A1BG: variants seen among roughly 807,000 people sequenced by gnomAD.
The protein encoded by A1BG is alpha-1-B glycoprotein, also known as alpha-1B-glycoprotein.
A neutral mutation model predicts 46.0 loss-of-function variants in A1BG; 44 were observed. That is an observed-to-expected ratio of 0.96 (90% confidence interval 0.75 to 1.23). The LOEUF is 1.23. Ranked by LOEUF, A1BG falls within the 50% of genes most tolerant of loss-of-function variation. The pLI, the probability that A1BG is intolerant of heterozygous loss-of-function variation, is 0.00. For synonymous variants in A1BG, 316 were observed against 314.7 expected, an observed-to-expected ratio of 1.00 and a Z score of -0.04; for missense variants, 707 against 688.8, an observed-to-expected ratio of 1.03 and a Z score of -0.30.
At position 58,353,190 on chromosome 19, in the gene A1BG, C is replaced by A. The variant is rs1290229453; in HGVS notation, c.78G>T (p.Glu26Asp). 1.9e-6 allele frequency: 3 copies of A among 1,613,718 alleles called. No homozygotes were observed. In the South Asian group the frequency reaches 3.3e-5, roughly 18 times the overall value. ...GPVTEAAIFY[E>D]TQPSLWAESE... is the part of the protein sequence containing the mutation. ...ACTCTGCCCACAGGCTGGGCTGCGT[C>A]TCATAAACTGCAAGGGGTGGCTGGG... Residue 26 changes from glutamate (E) to aspartate (D), a missense_variant, in exon 3 of 8, where the codon GAG becomes GAT. By Grantham distance (45) the Glu-to-Asp change is conservative. Transcript: ENST00000263100.
intron 6 of A1BG, 138 bp downstream of exon 6, chr19:58,350,232 C>A (rs1488002460): frequency 1.7e-6 from 2 of 1,163,958 alleles, no homozygotes; most frequent in Non-Finnish European, 2.3e-6. Flanking sequence ...ATCGCCTGCT[C>A]CCCGCCGGGG....
chr19:58,350,960 C>T (rs1408159014), intron 5 of A1BG: 7 of 424,154 alleles, frequency 1.7e-5, no homozygotes, highest in East Asian at 7.6e-5. Flanking sequence ...ATTTGCTCCA[C>T]GAGCGTCTTC....
rs1318104075 is a variant in A1BG at position 58,347,530 on chromosome 19, G to A, written c.1303C>T (p.Leu435=). The A allele has an allele frequency of 3.2e-6, 5 of 1,578,890 alleles. No homozygotes were observed. Among genetic ancestry groups the A allele is most frequent in the East Asian group, 2.3e-5 (1 of 43,554 alleles). The change falls in exon 7 of 8, where the codon CTG becomes TTG. Residue 435 remains leucine (L), a synonymous_variant. Coordinates refer to ENST00000263100, the MANE Select transcript of A1BG (RefSeq NM_130786.4). ...ACGGCCTTCGTCTCGCCCTCGCGCA[G>A]CAGCTCGAAGGTGACGTCGGGGATG... is the stretch of plus-strand genomic sequence containing the variant. The part of the protein sequence containing the change: ...GPIPDVTFEL[L]REGETKAVKT...
intron 3 of A1BG, 117 bp from the exon 4 acceptor site, chr19:58,352,672 C>T (rs1329029839): frequency 7.3e-7 from 1 of 1,373,532 alleles, no homozygotes; most frequent in Non-Finnish European, 9.9e-7. Flanking sequence ...GAGGGCATTG[C>T]TGGGAAAAGG....
At chr19:58,353,253 C>T in intron 2 of A1BG, 39 bp downstream of exon 2, 1 of 1,613,872 alleles carries the variant, frequency 6.2e-7, no homozygotes, top group Non-Finnish European at 8.5e-7. Context: ...TCCCCCCCGG[C>T]CTGGGCCCAC....
At chr19:58,352,664 G>A in intron 3 of A1BG, 109 bp from the exon 4 acceptor site, 1 of 1,392,402 alleles carries the variant, frequency 7.2e-7, no homozygotes, top group South Asian at 1.4e-5. Flanking sequence ...CAGGGATGGA[G>A]GGCATTGCTG....
In A1BG at chr19:58,352,490, T is replaced by A; in HGVS notation, c.406A>T (p.Thr136Ser). 1 of 1,613,098 alleles carries A rather than the reference T, an allele frequency of 6.2e-7. No homozygotes were observed. Among genetic ancestry groups the A allele is most frequent in the Non-Finnish European group, 8.5e-7 (1 of 1,179,900 alleles). Reference protein sequence around the residue: ...VSWITPGLKTTAVCRGVLRGV... With the variant: ...VSWITPGLKTSAVCRGVLRGV... ...CGCAGCACACCTCGGCACACTGCTG[T>A]TGTTTTCAGGCCGGGGGTGATCCAG... The change falls in exon 4 of 8, where the codon ACA (threonine) becomes TCA (serine). Residue 136 changes from threonine (T) to serine (S), a missense_variant. Coordinates refer to ENST00000263100, the MANE Select transcript of A1BG (RefSeq NM_130786.4).
chr19:58,352,976 AC>A lies in A1BG; in HGVS notation c.291del (p.Leu97PhefsTer8). ...TTGCTCAGCTGGGTCCATCCTGTGG[AC>A]AAGCCCGAGCGGCAGCGGTAGCGGC... ...TQGRYRCRSG[L>X]STGWTQLSKL... On this transcript the variant is annotated frameshift_variant, in exon 3 of 8. Transcript: ENST00000263100. LOFTEE classifies it high-confidence loss of function. The A allele has an allele frequency of 6.2e-7, 1 of 1,613,854 alleles. No individual in the cohort carries two copies. The highest frequency in any genetic ancestry group is 1.7e-5 in the Admixed American group (1 of 60,012).
chr19:58,347,309 C>A, intron 7 of A1BG, 44 bp downstream of exon 7: 1 of 1,606,076 alleles, frequency 6.2e-7, no homozygotes, highest in Non-Finnish European at 8.5e-7. Flanking sequence ...CCCAGGCAAA[C>A]ATCAGCAGAC....
At chr19:58,351,938 G>A in intron 4 of A1BG, 2 of 720,858 alleles carry the variant, frequency 2.8e-6, no homozygotes, top group Middle Eastern at 4.0e-4. Context: ...TGGTACTACA[G>A]GCACCTGCCA....
In A1BG at chr19:58,346,989, G is replaced by T; in HGVS notation, c.*33C>A. The T allele has an allele frequency of 6.2e-7, 1 of 1,613,846 alleles. No individual in the cohort carries two copies. ...AGTCCAGAATCCCCGGCACTTCTGA[G>T]GACACCAACAGCACCCTGGGCCCGC... On this transcript the variant is annotated 3_prime_UTR_variant, in exon 8 of 8. Coordinates refer to ENST00000263100, the MANE Select transcript of A1BG (RefSeq NM_130786.4).
chr19:58,351,786 C>G (rs993102315), intron 4 of A1BG, 99 bp from the exon 5 acceptor site: 2 of 1,177,760 alleles, frequency 1.7e-6, no homozygotes, highest in South Asian at 1.6e-5. Context: ...CCAGGAACAC[C>G]CTTCCATTCT....
chr19:58,351,851 C>T, intron 4 of A1BG, 164 bp from the exon 5 acceptor site: 1 of 769,706 alleles, frequency 1.3e-6, no homozygotes, highest in Non-Finnish European at 2.0e-6. Flanking sequence ...GGCTGGAGTG[C>T]AGTGGCGCCA....
chr19:58,350,310 C>T (rs1295682845), intron 6 of A1BG, 60 bp downstream of exon 6: 16 of 1,475,470 alleles, frequency 1.1e-5, no homozygotes, highest in Non-Finnish European at 1.4e-5. Flanking sequence ...AGGGGAAAGA[C>T]AGGAGGCCCC....
intron 4 of A1BG, chr19:58,352,003 G>T (rs1194240606): frequency 1.8e-5 from 20 of 1,097,662 alleles, no homozygotes; most frequent in Non-Finnish European, 2.4e-5. Flanking sequence ...GTCATGTTGG[G>T]TAGACTGGTC....
chr19:58,350,221 G>T, intron 6 of A1BG, 149 bp downstream of exon 6: 2 of 1,051,522 alleles, frequency 1.9e-6, no homozygotes, highest in Non-Finnish European at 2.6e-6. Flanking sequence ...CTCGACCACC[G>T]ATCGCCTGCT....
intron 6 of A1BG, chr19:58,349,821 G>A (rs976334145): frequency 3.3e-5 from 5 of 152,204 alleles, no homozygotes; most frequent in African/African-American, 1.2e-4. Flanking sequence ...AGGCAGGAAA[G>A]AAAAGAAAGA....
chr19:58,352,016 G>A (rs945873222), intron 4 of A1BG: 11 of 1,190,198 alleles, frequency 9.2e-6, no homozygotes, highest in Admixed American at 6.0e-5. Flanking sequence ...GACTGGTCTC[G>A]ATCTCTTGAC....
Position 58,345,489 on chromosome 19 carries a change from G to A in A1BG, c.*1533C>T, listed in dbSNP as rs908066526. The A allele has an allele frequency of 6.6e-6, 1 of 152,166 alleles. No individual in the cohort carries two copies. Among genetic ancestry groups the A allele is most frequent in the East Asian group, 1.9e-4 (1 of 5,176 alleles). The allele number at this position is 152,166 out of a possible 1,614,324, so 9.4% of individuals were successfully genotyped here. ...GACCAGCCTGGCCACCCAACAAGGT[G>A]AAACCCCATCTCTACTAAAAACATA... On this transcript the variant is annotated 3_prime_UTR_variant, in exon 8 of 8. Coordinates refer to ENST00000263100, the MANE Select transcript of A1BG (RefSeq NM_130786.4).
Sources: gnomAD v4.1 joint callset for allele counts on GRCh38, gnomAD v4.1.1 for gene constraint, MANE v1.5 for transcripts, NCBI Gene and HGNC (gene_info 2026-07-23, HGNC 2026-07-21) for gene names.